The following LARP1 variants were observed in gnomAD, a reference collection of about 807,000 sequenced individuals.
The protein encoded by LARP1 is La ribonucleoprotein 1, translational regulator, also known as la-related protein 1.
A neutral mutation model predicts 122.7 loss-of-function variants in LARP1; 36 were observed. The observed-to-expected ratio is 0.29, with a 90% CI of 0.22 to 0.39. The LOEUF (loss-of-function observed/expected upper bound fraction) is 0.39. LARP1 is among the 10% of genes least tolerant of loss of function. LARP1 has a pLI of 1.00. For synonymous variants in LARP1, 539 were observed against 528.7 expected, an observed-to-expected ratio of 1.02 and a Z score of -0.27; for missense variants, 1,040 against 1,403.6, an observed-to-expected ratio of 0.74 and a Z score of 4.14.
intron 1 of LARP1, among the ~76,000 whole-genome samples, chr5:154,685,105 A>G (rs1334591729): frequency 6.6e-6 from 1 of 152,168 alleles, no homozygotes; most frequent in African/African-American, 2.4e-5. Flanking sequence ...TTAGCTGGGC[A>G]TGGTGACGCG....
chr5:154,806,097 T>C (rs1758754805), intron 15 of LARP1, 65 bp downstream of exon 15: 3 of 1,539,156 alleles, frequency 1.9e-6, no homozygotes, highest in African/African-American at 1.4e-5. Context: ...AGTATAAGAG[T>C]TGGGGGATAC....
At chr5:154,756,309 C>CT (rs1449529867) in intron 1 of LARP1, 116 bp downstream of exon 1, 1 of 948,254 alleles carries the variant, frequency 1.1e-6, no homozygotes, top group Middle Eastern at 5.2e-4. Context: ...TGACTCGGGA[C>CT]TTTTTAAAAT....
intron 1 of LARP1, among the ~76,000 whole-genome samples, chr5:154,733,225 C>T (rs994473590): frequency 6.6e-6 from 1 of 152,180 alleles, no homozygotes; most frequent in Non-Finnish European, 1.5e-5. Context: ...ATTATAAATT[C>T]GTGGCTATTG....
At chr5:154,778,247 G>C (rs1039289306) in intron 1 of LARP1, among the ~76,000 whole-genome samples, 1 of 141,250 alleles carries the variant, frequency 7.1e-6, no homozygotes, top group Non-Finnish European at 1.5e-5. Flanking sequence ...GCCACAGAGC[G>C]AGACTCCGTC....
At chr5:154,688,264 C>T (rs73292538) in intron 1 of LARP1, among the ~76,000 whole-genome samples, 14,025 of 152,018 alleles carry the variant, frequency 0.092, 1,076 homozygotes, top group African/African-American at 0.2. Context: ...CACTCTATCC[C>T]TGAATATAGT....
At chr5:154,787,544 G>C (rs1756986881) in intron 1 of LARP1, among the ~76,000 whole-genome samples, 1 of 152,220 alleles carries the variant, frequency 6.6e-6, no homozygotes, top group African/African-American at 2.4e-5. Context: ...CAGCTCATCT[G>C]AGCCATTCTG....
At chr5:154,724,509 C>A (rs1291964902) in intron 1 of LARP1, among the ~76,000 whole-genome samples, 4 of 152,126 alleles carry the variant, frequency 2.6e-5, no homozygotes, top group Non-Finnish European at 5.9e-5. Flanking sequence ...TAAATGGTGT[C>A]TATTGAGAAC....
chr5:154,797,995 C>G (rs538893440), intron 8 of LARP1, among the ~76,000 whole-genome samples: 2 of 152,186 alleles, frequency 1.3e-5, no homozygotes, highest in Non-Finnish European at 2.9e-5. Context: ...TACATTCTTA[C>G]AATACCTCCA....
At chr5:154,697,735 C>A (rs10076237) in intron 1 of LARP1, among the ~76,000 whole-genome samples, 1 of 152,116 alleles carries the variant, frequency 6.6e-6, no homozygotes, top group Non-Finnish European at 1.5e-5. Context: ...AAATTAGATT[C>A]GTGTTTACTT....
At chr5:154,809,335 C>T (rs1241283906) in intron 16 of LARP1, among the ~76,000 whole-genome samples, 1 of 150,546 alleles carries the variant, frequency 6.6e-6, no homozygotes, top group East Asian at 2.0e-4. Flanking sequence ...AAAAAAAGAC[C>T]TCCCCACACC....
intron 1 of LARP1, among the ~76,000 whole-genome samples, chr5:154,750,202 T>G (rs1753413433): frequency 6.6e-6 from 1 of 152,252 alleles, no homozygotes; most frequent in Non-Finnish European, 1.5e-5. Context: ...TTTTGTTTTG[T>G]TTTTGAGACG....
intron 8 of LARP1, among the ~76,000 whole-genome samples, chr5:154,797,161 A>AT (rs1216305044): frequency 8.6e-6 from 1 of 116,932 alleles, no homozygotes. Context: ...TTTCTAGATG[A>AT]TTTTTTTGTT....
At chr5:154,741,913 C>T (rs1245982528) in intron 1 of LARP1, among the ~76,000 whole-genome samples, 1 of 152,178 alleles carries the variant, frequency 6.6e-6, no homozygotes, top group African/African-American at 2.4e-5. Context: ...GATACCTATG[C>T]AAAATGAGCC....
At chr5:154,713,019 C>G in exon 1 of LARP1, 1 of 1,614,212 alleles carries the variant, frequency 6.2e-7, no homozygotes. Context: ...CCCTGGCAGA[C>G]TCCCAGGGAG....
At position 154,755,478 on chromosome 5, in the gene LARP1, C is replaced by A; in HGVS notation, c.-280C>A. On this transcript the variant is annotated 5_prime_UTR_variant, in exon 1 of 19. Coordinates refer to ENST00000518297, the MANE Select transcript of LARP1 (RefSeq NM_033551.3). ...AAGCCTGCCGGGCTCGGGGTGGGGG[C>A]GTCTTGCGAGGAACGGGCGGGGGGG... The A allele has an allele frequency of 2.3e-6, 2 of 884,190 alleles. No homozygotes were observed. The highest frequency in any genetic ancestry group is 2.7e-6 in the Non-Finnish European group (2 of 736,950). 54.8% of individuals were successfully genotyped at this position (884,190 alleles called of 1,614,324 possible).
At chr5:154,764,425 G>A (rs1469740889) in intron 1 of LARP1, among the ~76,000 whole-genome samples, 1 of 150,514 alleles carries the variant, frequency 6.6e-6, no homozygotes, top group African/African-American at 2.4e-5. Flanking sequence ...GCAACATAGT[G>A]AGAGACCCCA....
At chr5:154,696,632 G>A (rs931195500) in intron 1 of LARP1, among the ~76,000 whole-genome samples, 1 of 152,174 alleles carries the variant, frequency 6.6e-6, no homozygotes, top group African/African-American at 2.4e-5. Flanking sequence ...ACACAGAGAG[G>A]TGAAGGAGCT....
At chr5:154,794,921 A>C (rs1757625490) in intron 7 of LARP1, among the ~76,000 whole-genome samples, 1 of 152,208 alleles carries the variant, frequency 6.6e-6, no homozygotes, top group Non-Finnish European at 1.5e-5. Context: ...TGGAATTTAA[A>C]GGAGGATGAG....
upstream of LARP1, among the ~76,000 whole-genome samples, chr5:154,710,484 C>G (rs1168266836): frequency 6.6e-6 from 1 of 152,046 alleles, no homozygotes; most frequent in Non-Finnish European, 1.5e-5. Context: ...TGGCTCACAC[C>G]TGTAATCCCA....
Sources: allele counts gnomAD v4.1 joint callset (sites outside exome capture counted in the v4.1 genomes callset), GRCh38; gene constraint gnomAD v4.1.1; transcripts MANE v1.5; gene names NCBI Gene and HGNC (gene_info 2026-07-23, HGNC 2026-07-21).